Variants in TBP observed in about 807,000 individuals in gnomAD.
TBP encodes TATA-box binding protein.
TBP carries 12 observed loss-of-function variants against 46.2 expected under a neutral mutation model. That is an observed-to-expected ratio of 0.26 (90% CI 0.17 to 0.42). The LOEUF (loss-of-function observed/expected upper bound fraction) is 0.42. Among genes scored for constraint, TBP ranks in the 10% least tolerant of loss-of-function variants. The pLI is 1.00. For missense variants in TBP, 229 were observed against 403.1 expected, an observed-to-expected ratio of 0.57 and a Z score of 3.70; for synonymous variants, 157 against 148.3, an observed-to-expected ratio of 1.06 and a Z score of -0.42.
intron 4 of TBP, 53 bp downstream of exon 4, chr6:170,564,685 C>T (rs1276440730): frequency 7.3e-6 from 9 of 1,236,428 alleles, no homozygotes; most frequent in African/African-American, 1.5e-5. Context: ...TCTCCTCTGC[C>T]GTGTCTCTAT....
chr6:170,566,845 C>A, intron 4 of TBP, 73 bp from the exon 5 acceptor site: 1 of 1,332,606 alleles, frequency 7.5e-7, no homozygotes, highest in South Asian at 1.3e-5. Context: ...ATTTTTTTGT[C>A]AATGGGTGGT....
chr6:170,568,476 G>A (rs1333799076), intron 5 of TBP, among the ~76,000 whole-genome samples: 1 of 152,044 alleles, frequency 6.6e-6, no homozygotes, highest in African/African-American at 2.4e-5. Flanking sequence ...TTGTTTTTGA[G>A]ATGGAGTCTC....
chr6:170,562,059 A>C lies in TBP; in HGVS notation c.323A>C (p.Gln108Pro). ...GCAGCCGTTCAGCAGTCAACGTCCC[A>C]GCAGGCAACACAGGGAACCTCAGGC... ...AAAAVQQSTS[Q>P]QATQGTSGQA... The change falls in exon 3 of 8, where the codon CAG becomes CCG. Residue 108 changes from glutamine to proline, a missense_variant. Physicochemically the swap from Gln to Pro is moderately conservative, Grantham distance 76 (BLOSUM62 -1). Coordinates refer to ENST00000392092, the MANE Select transcript of TBP (RefSeq NM_003194.5). 1 of 1,614,088 alleles carries C rather than the reference A, an allele frequency of 6.2e-7. No individual in the cohort carries two copies. The highest frequency in any genetic ancestry group is 8.5e-7 in the Non-Finnish European group (1 of 1,180,018).
chr6:170,562,105 C>T lies in TBP; in HGVS notation c.369C>T (p.His123=). The T allele has an allele frequency of 6.2e-7, 1 of 1,614,196 alleles. No homozygotes were observed. The highest frequency in any genetic ancestry group is 8.5e-7 in the Non-Finnish European group (1 of 1,180,046). Residue 123 remains histidine, a synonymous_variant, in exon 3 of 8, where the codon CAC becomes CAT. Coordinates refer to ENST00000392092, the MANE Select transcript of TBP (RefSeq NM_003194.5). ...CAGGCCAGGCACCACAGCTCTTCCA[C>T]TCACAGACTCTCACAACTGCACCCT... is the stretch of plus-strand genomic sequence containing the variant. The part of the protein sequence containing the change: ...GTSGQAPQLF[H]SQTLTTAPLP...
rs1779150506 is a variant in TBP at position 170,561,958 on chromosome 6, A to AGCAG, written c.222_223insGCAG (p.Gln75AlafsTer104). On this transcript the variant is annotated frameshift_variant, in exon 3 of 8. Transcript: ENST00000392092. LOFTEE classifies it high-confidence loss of function. ...AGCAGCAGCAGCAGCAGCAACAGCA[A>AGCAG]CAGCAGCAGCAGCAGCAGCAGCAGC... 100 of 1,405,160 alleles carry AGCAG rather than the reference A, an allele frequency of 7.1e-5. No individual in the cohort carries two copies. In the East Asian group the frequency reaches 8.3e-4, roughly 12 times the overall value. 87.0% of individuals were successfully genotyped at this position (1,405,160 alleles called of 1,614,324 possible).
Position 170,572,390 on chromosome 6 carries a change from AC to A in TBP, c.*127del. Reference sequence around the variant, plus strand: ...TGGATGTTGAGTTGCAGGGTGTGGCACCAGGTGATGCCCTTCTGTAAGTGCC... The same window carrying A: ...TGGATGTTGAGTTGCAGGGTGTGGCACAGGTGATGCCCTTCTGTAAGTGCC... On this transcript the variant is annotated 3_prime_UTR_variant, in exon 8 of 8. Coordinates refer to ENST00000392092, the MANE Select transcript of TBP (RefSeq NM_003194.5). 1.3e-6 allele frequency: 1 copy of A among 799,690 alleles called. No homozygotes were observed. The highest frequency in any genetic ancestry group is 2.0e-6 in the Non-Finnish European group (1 of 492,800). The allele number at this position is 799,690 out of a possible 1,614,324, so 49.5% of individuals were successfully genotyped here. A position where few individuals can be genotyped will look rare whatever the true frequency, so the allele number is the denominator to read the frequency against.
intron 3 of TBP, among the ~76,000 whole-genome samples, chr6:170,562,505 A>T (rs7765023): frequency 6.6e-6 from 1 of 151,982 alleles, no homozygotes; most frequent in Non-Finnish European, 1.5e-5. Flanking sequence ...CACTGTCGTT[A>T]TTATTATATT....
chr6:170,561,323 C>T (rs990767642), intron 2 of TBP, among the ~76,000 whole-genome samples: 1 of 152,202 alleles, frequency 6.6e-6, no homozygotes, highest in East Asian at 1.9e-4. Context: ...TGGTCTGGAA[C>T]CTAACCTGTA....
Position 170,571,400 on chromosome 6 carries a change from T to C in TBP, c.846-10T>C. ...CTTGATTTCTAAACTTTTTGCAATT[T>C]TCCTTCTAGTTATGAGCCAGAGTTA... On this transcript the variant is annotated splice_polypyrimidine_tract_variant and intron_variant, in intron 6 of 7. Coordinates refer to ENST00000392092, the MANE Select transcript of TBP (RefSeq NM_003194.5). 1 of 1,606,186 alleles carries C rather than the reference T, an allele frequency of 6.2e-7. No homozygotes were observed. The highest frequency in any genetic ancestry group is 8.5e-7 in the Non-Finnish European group (1 of 1,175,408).
chr6:170,562,905 A>C (rs563620389), intron 3 of TBP, among the ~76,000 whole-genome samples: 1 of 152,160 alleles, frequency 6.6e-6, no homozygotes, highest in Admixed American at 6.5e-5. Flanking sequence ...GCATCTCCTC[A>C]GTTTTCTTGT....
Position 170,563,197 on chromosome 6 carries a change from A to G in TBP, c.497+964A>G, listed in dbSNP as rs150696457. Among the ~76,000 whole-genome samples, 104 of 152,314 alleles carry G rather than the reference A, an allele frequency of 6.8e-4. 1 individual carries two copies. Among genetic ancestry groups the G allele is most frequent in the African/African-American group, 2.4e-3 (98 of 41,574 alleles). On this transcript the variant is annotated intron_variant, in intron 3 of 7. Coordinates refer to ENST00000392092, the MANE Select transcript of TBP (RefSeq NM_003194.5). ...TCTATACCACTCCCATGTGTCCAGC[A>G]TGCTTGTCTGACTCCCAGGAATATT...
chr6:170,565,621 C>T (rs764078075), intron 4 of TBP, among the ~76,000 whole-genome samples: 1 of 152,156 alleles, frequency 6.6e-6, no homozygotes, highest in Non-Finnish European at 1.5e-5. Context: ...TATTACTTTA[C>T]GTTCTTAAGT....
chr6:170,556,054 T>C (rs974155263), intron 1 of TBP, among the ~76,000 whole-genome samples: 11 of 152,210 alleles, frequency 7.2e-5, no homozygotes, highest in Non-Finnish European at 1.2e-4. Context: ...AGATAGTCTT[T>C]GGGGGCCTTT....
intron 1 of TBP, among the ~76,000 whole-genome samples, chr6:170,555,455 T>C (rs1340233090): frequency 6.6e-6 from 1 of 152,218 alleles, no homozygotes; most frequent in East Asian, 1.9e-4. Flanking sequence ...CAATATGTGC[T>C]GTCTCATCTG....
At chr6:170,561,653 C>T (rs1779139906) in intron 2 of TBP, 138 bp from the exon 3 acceptor site, 2 of 1,469,014 alleles carry the variant, frequency 1.4e-6, no homozygotes, top group Admixed American at 4.7e-5. Context: ...GCTGGTTCTT[C>T]CGTAATTAAT....
chr6:170,559,677 C>G (rs1261500436), intron 2 of TBP, among the ~76,000 whole-genome samples: 1 of 152,208 alleles, frequency 6.6e-6, no homozygotes, highest in Non-Finnish European at 1.5e-5. Flanking sequence ...AGCAAGTTAT[C>G]TGGAAGATCT....
At chr6:170,567,825 G>A (rs1779293083) in intron 5 of TBP, among the ~76,000 whole-genome samples, 1 of 152,180 alleles carries the variant, frequency 6.6e-6, no homozygotes, top group African/African-American at 2.4e-5. Flanking sequence ...CCTGTCTGAA[G>A]GTTAGTACTC....
intron 3 of TBP, among the ~76,000 whole-genome samples, chr6:170,564,174 C>T (rs1202494215): frequency 6.6e-6 from 1 of 152,112 alleles, no homozygotes; most frequent in Non-Finnish European, 1.5e-5. Context: ...TCAGAGCTCA[C>T]AGATGAGAAT....
At chr6:170,560,990 T>C (rs1779128656) in intron 2 of TBP, among the ~76,000 whole-genome samples, 1 of 152,214 alleles carries the variant, frequency 6.6e-6, no homozygotes, top group Admixed American at 6.5e-5. Context: ...TAGTATCATA[T>C]GCTACAGAGA....
Sources: gnomAD v4.1 joint callset for allele counts (sites outside exome capture counted in the v4.1 genomes callset) on GRCh38, gnomAD v4.1.1 for gene constraint, MANE v1.5 for transcripts, NCBI Gene and HGNC (gene_info 2026-07-23, HGNC 2026-07-21) for gene names.